Variants in RABGAP1 observed in about 807,000 individuals in gnomAD.
RABGAP1 encodes RAB GTPase activating protein 1.
In RABGAP1, 23 loss-of-function variants were observed where a neutral mutation model predicts 137.6. That is an observed-to-expected ratio of 0.17 (90% confidence interval 0.12 to 0.24). RABGAP1 has a LOEUF of 0.24. Ranked by LOEUF, RABGAP1 falls within the 10% of genes least tolerant of loss-of-function variation. The probability of loss-of-function intolerance (pLI) is 1.00; values close to 1 mark genes in which losing one functional copy is unlikely to be tolerated. For missense variants in RABGAP1, 906 were observed against 1,275.8 expected (o/e 0.71, Z 4.42); for synonymous variants, 451 against 450.7 (o/e 1.00, Z -0.01).
intron 19 of RABGAP1, among the ~76,000 whole-genome samples, chr9:123,084,823 C>A (rs933611418): frequency 1.3e-5 from 2 of 152,138 alleles, no homozygotes; most frequent in Non-Finnish European, 2.9e-5. Flanking sequence ...GGACTGTTAA[C>A]GATTTTTACA....
At chr9:123,008,192 C>T (rs970849668) in intron 10 of RABGAP1, among the ~76,000 whole-genome samples, 2 of 152,100 alleles carry the variant, frequency 1.3e-5, no homozygotes, top group Non-Finnish European at 2.9e-5. Context: ...CAAAAGGCAG[C>T]GTGTCCTTTG....
chr9:122,948,924 G>A (rs151138727), intron 1 of RABGAP1, among the ~76,000 whole-genome samples: 173 of 152,300 alleles, frequency 1.1e-3, no homozygotes, highest in Non-Finnish European at 1.9e-3. Flanking sequence ...CTGCCCGTAA[G>A]TAAGGAAATG....
Position 123,101,713 on chromosome 9 carries a change from G to C in RABGAP1, c.3037G>C (p.Glu1013Gln). The change falls in exon 25 of 26, where the codon GAA (glutamate) becomes CAA (glutamine). Residue 1013 changes from glutamate (E) to glutamine (Q), a missense_variant. By Grantham distance (29) the Glu-to-Gln change is conservative. This residue lies in a region of RABGAP1 where 193 missense variants were observed against 248.1 expected (regional missense o/e 0.78). Transcript: ENST00000373647. ...GAACCAGCTGAGAGAAATGGAGCTA[G>C]AACTGGCACAGACCAAACTCCAGCT... ...LKNQLREMEL[E>Q]LAQTKLQLVE... is the part of the protein sequence containing the mutation. 6.2e-7 allele frequency: 1 copy of C among 1,613,682 alleles called. No individual in the cohort carries two copies. Among genetic ancestry groups the C allele is most frequent in the Non-Finnish European group, 8.5e-7 (1 of 1,179,848 alleles).
At chr9:122,951,177 A>G (rs1250171795) in intron 1 of RABGAP1, among the ~76,000 whole-genome samples, 1 of 152,222 alleles carries the variant, frequency 6.6e-6, no homozygotes. Flanking sequence ...CAAGAAAACC[A>G]AAGAAATAAA....
At chr9:123,080,002 A>G (rs2034658074) in intron 19 of RABGAP1, among the ~76,000 whole-genome samples, 1 of 152,194 alleles carries the variant, frequency 6.6e-6, no homozygotes, top group African/African-American at 2.4e-5. Flanking sequence ...TACACTGTTG[A>G]GTGTCTACCA....
At chr9:123,042,451 AAAC>A (rs2032996725) in intron 13 of RABGAP1, among the ~76,000 whole-genome samples, 2 of 152,242 alleles carry the variant, frequency 1.3e-5, no homozygotes, top group African/African-American at 2.4e-5. Flanking sequence ...TTGCTGAAGA[AAAC>A]AACCAAAAAA....
intron 13 of RABGAP1, among the ~76,000 whole-genome samples, chr9:123,044,625 ACG>A (rs1491165571): frequency 2.5e-5 from 2 of 79,326 alleles, no homozygotes; most frequent in African/African-American, 4.1e-5. Flanking sequence ...AAACACACGT[ACG>A]TGTGTGTGTG....
At chr9:122,967,138 A>G (rs1174545253) in intron 2 of RABGAP1, among the ~76,000 whole-genome samples, 4 of 152,196 alleles carry the variant, frequency 2.6e-5, no homozygotes, top group African/African-American at 4.8e-5. Context: ...GTGATCAGGT[A>G]TGTCTGATTT....
At chr9:123,009,627 T>C (rs919315377) in intron 10 of RABGAP1, among the ~76,000 whole-genome samples, 2 of 152,246 alleles carry the variant, frequency 1.3e-5, no homozygotes, top group South Asian at 2.1e-4. Context: ...AATGTACTTA[T>C]AATGTGTATT....
intron 2 of RABGAP1, among the ~76,000 whole-genome samples, chr9:122,975,190 C>T (rs981047567): frequency 1.3e-5 from 2 of 152,290 alleles, no homozygotes; most frequent in South Asian, 4.1e-4. Flanking sequence ...CATCTAGGGA[C>T]TTCTCAAGCA....
chr9:122,964,852 C>T lies in RABGAP1; in HGVS notation c.150+7643C>T, dbSNP rs138670513. Among the ~76,000 whole-genome samples, 726 of 152,078 alleles carry T rather than the reference C, an allele frequency of 4.8e-3. 7 individuals carry two copies. Among genetic ancestry groups the T allele is most frequent in the African/African-American group, 0.017 (689 of 41,472 alleles). On this transcript the variant is annotated intron_variant, in intron 2 of 25. Transcript: ENST00000373647. ...CAAGAAAAAAATTTTTTTTAATTAG[C>T]TGAATGTGGTGGCATGCTCTTGTAG...
chr9:123,076,768 A>G lies in RABGAP1; in HGVS notation c.2424+6A>G. The G allele has an allele frequency of 6.4e-7, 1 of 1,568,328 alleles. No individual in the cohort carries two copies. Among genetic ancestry groups the G allele is most frequent in the Non-Finnish European group, 8.6e-7 (1 of 1,157,732 alleles). On this transcript the variant is annotated splice_donor_region_variant and intron_variant, in intron 19 of 25. Coordinates refer to ENST00000373647, the MANE Select transcript of RABGAP1 (RefSeq NM_012197.4). ...AATTAGCCTGCAACATGAAGGTAAA[A>G]TAATTTTGCATTAGTTAAGATTCTG...
intron 13 of RABGAP1, among the ~76,000 whole-genome samples, chr9:123,053,559 A>G (rs1204038458): frequency 6.6e-6 from 1 of 152,228 alleles, no homozygotes; most frequent in African/African-American, 2.4e-5. Context: ...CTTTTTTAAA[A>G]GAAAATGTAA....
At chr9:122,934,081 C>CT in the RABGAP1 span, among the ~76,000 whole-genome samples, 1,139 of 139,600 alleles carry the variant, frequency 8.2e-3, 9 homozygotes, top group Middle Eastern at 0.022. Flanking sequence ...CTTTTCTTTT[C>CT]TTTTTTTTTT....
chr9:123,064,399 A>T (rs1361141809), intron 13 of RABGAP1, among the ~76,000 whole-genome samples: 3 of 152,244 alleles, frequency 2.0e-5, no homozygotes, highest in Non-Finnish European at 4.4e-5. Context: ...AGATCCCACA[A>T]CTATAAAATA....
chr9:123,060,915 T>C (rs565844286), intron 13 of RABGAP1, among the ~76,000 whole-genome samples: 24 of 152,200 alleles, frequency 1.6e-4, no homozygotes, highest in Non-Finnish European at 2.9e-4. Context: ...TTGTAGCAGG[T>C]TGTGACAAAG....
intron 10 of RABGAP1, among the ~76,000 whole-genome samples, chr9:123,009,164 T>G: frequency 6.6e-6 from 1 of 152,238 alleles, no homozygotes; most frequent in South Asian, 2.1e-4. Context: ...TGGCTGCTTT[T>G]GCACTATAAC....
intron 13 of RABGAP1, among the ~76,000 whole-genome samples, chr9:123,047,919 GTTTTTTTTTTTTTTTTTTTTTT>G (rs59639446): frequency 6.4e-4 from 40 of 62,282 alleles, no homozygotes; most frequent in South Asian, 1.3e-3. Context: ...CAGCTGCTGG[GTTTTTTTTTTTTTTTTTTTTTT>G]TTTTTTTTTT....
At chr9:123,101,838 C>A in intron 25 of RABGAP1, 75 bp downstream of exon 25, 1 of 1,419,768 alleles carries the variant, frequency 7.0e-7, no homozygotes, top group Non-Finnish European at 9.3e-7. Context: ...CAGAAATTAT[C>A]TTTATGGTTT....
Sources: gnomAD v4.1 joint callset for allele counts (sites outside exome capture counted in the v4.1 genomes callset) on GRCh38, gnomAD v4.1.1 for gene constraint, gnomAD v4.1.1 regional missense constraint, MANE v1.5 for transcripts, NCBI Gene and HGNC (gene_info 2026-07-23, HGNC 2026-07-21) for gene names.